Variants in ECRG4 observed in about 807,000 individuals in gnomAD.
ECRG4 encodes ECRG4 augurin precursor.
A neutral mutation model predicts 15.8 loss-of-function variants in ECRG4; 18 were observed. The ratio of observed to expected loss-of-function variants is 1.14; its 90% CI spans 0.79 to 1.69. The LOEUF (loss-of-function observed/expected upper bound fraction) is 1.69. Among genes scored for constraint, ECRG4 ranks in the 40% most tolerant of loss-of-function variants. The pLI is 0.00. For synonymous variants in ECRG4, 82 were observed against 73.9 expected (o/e 1.11, Z -0.56); for missense variants, 200 against 190.9 (o/e 1.05, Z -0.28).
chr2:106,070,435 C>T (rs1676337220), intron 1 of ECRG4, among the ~76,000 whole-genome samples: 1 of 152,154 alleles, frequency 6.6e-6, no homozygotes, highest in South Asian at 2.1e-4. Context: ...TAGGTGGCTG[C>T]TTACGGACCA....
chr2:106,077,746 T>G lies in ECRG4; in HGVS notation c.286-19T>G. 6.2e-7 allele frequency: 1 copy of G among 1,611,720 alleles called. No homozygotes were observed. Among genetic ancestry groups the G allele is most frequent in the Non-Finnish European group, 8.5e-7 (1 of 1,178,118 alleles). On this transcript the variant is annotated intron_variant, in intron 3 of 3. Coordinates refer to ENST00000238044, the MANE Select transcript of ECRG4 (RefSeq NM_032411.3). Reference sequence around the variant, plus strand: ...TGACCTTAAATCCATTCTCTATCATTCTCTCTCTTTTCCTCCAGAAATTTG... The same window carrying G: ...TGACCTTAAATCCATTCTCTATCATGCTCTCTCTTTTCCTCCAGAAATTTG...
At chr2:106,066,267 C>A (rs780274472) in intron 1 of ECRG4, among the ~76,000 whole-genome samples, 3 of 152,244 alleles carry the variant, frequency 2.0e-5, no homozygotes, top group African/African-American at 4.8e-5. Flanking sequence ...AGTTGACTTG[C>A]GCTTCCCAGC....
intron 2 of ECRG4, chr2:106,072,128 C>A: frequency 2.1e-6 from 1 of 483,578 alleles, no homozygotes; most frequent in Non-Finnish European, 3.7e-6. Flanking sequence ...AGTGTGGACT[C>A]AAAAATAAAA....
At chr2:106,065,232 G>A (rs1023392083), upstream of ECRG4, among the ~76,000 whole-genome samples, 4 of 152,088 alleles carry the variant, frequency 2.6e-5, no homozygotes, top group African/African-American at 9.7e-5. Context: ...CCCCAAGCAG[G>A]GAGGGAGGGA....
chr2:106,077,040 C>T (rs1376811818), intron 3 of ECRG4, among the ~76,000 whole-genome samples: 2 of 152,220 alleles, frequency 1.3e-5, no homozygotes, highest in Non-Finnish European at 2.9e-5. Context: ...ACACTACTTA[C>T]TCAGCTTTAG....
chr2:106,073,534 C>G (rs982225060), intron 2 of ECRG4, among the ~76,000 whole-genome samples: 4 of 152,206 alleles, frequency 2.6e-5, no homozygotes, highest in African/African-American at 9.7e-5. Context: ...CAGTCTGTTT[C>G]CTGAATGCGG....
chr2:106,072,055 G>T, intron 2 of ECRG4, 164 bp downstream of exon 2: 1 of 564,458 alleles, frequency 1.8e-6, no homozygotes, highest in Admixed American at 3.2e-5. Context: ...ATGTGGTGTG[G>T]TATCTTATTA....
At chr2:106,074,075 T>G (rs1676431477) in intron 3 of ECRG4, 32 bp downstream of exon 3, 1 of 1,606,572 alleles carries the variant, frequency 6.2e-7, no homozygotes, top group Admixed American at 1.7e-5. Context: ...AGGCCTGGCT[T>G]CCACAGGGAA....
At chr2:106,073,430 C>T (rs1426236611) in intron 2 of ECRG4, among the ~76,000 whole-genome samples, 1 of 152,184 alleles carries the variant, frequency 6.6e-6, no homozygotes, top group Non-Finnish European at 1.5e-5. Flanking sequence ...CATTCCAGTT[C>T]CTTTTTCTTA....
At chr2:106,066,693 C>T (rs954857149) in intron 1 of ECRG4, among the ~76,000 whole-genome samples, 3 of 152,238 alleles carry the variant, frequency 2.0e-5, no homozygotes, top group Admixed American at 1.3e-4. Context: ...CTGAGACTGG[C>T]GCTGTCCCAC....
At chr2:106,076,778 A>T (rs1161164452) in intron 3 of ECRG4, among the ~76,000 whole-genome samples, 1 of 152,154 alleles carries the variant, frequency 6.6e-6, no homozygotes, top group Non-Finnish European at 1.5e-5. Context: ...GTTGGGGTGC[A>T]TGGGCCACGC....
intron 1 of ECRG4, among the ~76,000 whole-genome samples, chr2:106,068,710 C>T (rs578154688): frequency 1.9e-4 from 29 of 152,310 alleles, no homozygotes; most frequent in Admixed American, 1.7e-3. Context: ...ATGTACTACC[C>T]TGTGAGCTGT....
chr2:106,069,233 TTTC>T (rs1159279022), intron 1 of ECRG4, among the ~76,000 whole-genome samples: 1 of 151,048 alleles, frequency 6.6e-6, no homozygotes, highest in Non-Finnish European at 1.5e-5. Flanking sequence ...TCTTTCCTTC[TTTC>T]TTTTCTTTCT....
chr2:106,069,558 C>T (rs976000312), intron 1 of ECRG4, among the ~76,000 whole-genome samples: 2 of 152,194 alleles, frequency 1.3e-5, no homozygotes, highest in Non-Finnish European at 2.9e-5. Flanking sequence ...TGGTCTCAAA[C>T]TCCTGATCTC....
At chr2:106,072,173 A>G (rs1462258134) in intron 2 of ECRG4, 1 of 315,364 alleles carries the variant, frequency 3.2e-6, no homozygotes, top group Non-Finnish European at 5.8e-6. Flanking sequence ...CATGCTATTT[A>G]TTTTAGGACC....
At position 106,073,912 on chromosome 2, in the gene ECRG4, GC is replaced by G. The variant is rs1558657712; in HGVS notation, c.156del (p.Val53LeufsTer13). On this transcript the variant is annotated frameshift_variant, in exon 3 of 4. Coordinates refer to ENST00000238044, the MANE Select transcript of ECRG4 (RefSeq NM_032411.3). LOFTEE classifies it high-confidence loss of function. ...EAPVPTKTKV[A>X]VDENKAKEFL... ...ACCTGTTCCAACTAAGACTAAAGTGGCCGTTGATGAGAATAAAGCCAAAGAA... is the reference window on the plus strand; with the variant it reads ...ACCTGTTCCAACTAAGACTAAAGTGGCGTTGATGAGAATAAAGCCAAAGAA... 26 of 1,614,220 alleles carry G rather than the reference GC, an allele frequency of 1.6e-5. No homozygotes were observed. Among genetic ancestry groups the G allele is most frequent in the Non-Finnish European group, 2.2e-5 (26 of 1,180,036 alleles).
chr2:106,071,320 T>A (rs1676361982), intron 1 of ECRG4, among the ~76,000 whole-genome samples: 2 of 25,340 alleles, frequency 7.9e-5, no homozygotes, highest in Non-Finnish European at 1.4e-4. Flanking sequence ...TGGGTAAGGC[T>A]GTAAAAAAAA....
chr2:106,072,795 C>T (rs937739834), intron 2 of ECRG4, among the ~76,000 whole-genome samples: 4 of 152,226 alleles, frequency 2.6e-5, no homozygotes, highest in African/African-American at 9.6e-5. Context: ...GGCCCCCTCC[C>T]TGTGCTGTGT....
intron 3 of ECRG4, among the ~76,000 whole-genome samples, chr2:106,074,614 T>A (rs13401560): frequency 0.022 from 3,298 of 152,312 alleles, 131 homozygotes; most frequent in African/African-American, 0.072. Context: ...AAAGAGTTTA[T>A]GATCGTAGGC....
Sources: allele counts gnomAD v4.1 joint callset (sites outside exome capture counted in the v4.1 genomes callset), GRCh38; gene constraint gnomAD v4.1.1; transcripts MANE v1.5; gene names NCBI Gene and HGNC (gene_info 2026-07-23, HGNC 2026-07-21).